USP15: variants seen among roughly 807,000 people sequenced by gnomAD.
USP15 encodes ubiquitin specific peptidase 15.
Under a neutral mutation model 127.1 loss-of-function variants are expected in USP15, and 18 were observed. That is an observed-to-expected ratio of 0.14 (90% CI 0.10 to 0.21). The LOEUF is 0.21. USP15 is among the 10% of genes least tolerant of loss of function. The probability of loss-of-function intolerance (pLI) is 1.00; values close to 1 mark genes in which losing one functional copy is unlikely to be tolerated. For synonymous variants in USP15, 364 were observed against 393.7 expected (o/e 0.92, Z 0.89); for missense variants, 805 against 1,159.9 (o/e 0.69, Z 4.44).
intron 4 of USP15, 71 bp downstream of exon 4, chr12:62,314,987 G>T: frequency 7.5e-7 from 1 of 1,340,614 alleles, no homozygotes. Context: ...CTTTGTATAT[G>T]CTACTTGGAT....
chr12:62,326,986 C>T (rs1467060835), intron 6 of USP15, among the ~76,000 whole-genome samples: 1 of 151,848 alleles, frequency 6.6e-6, no homozygotes, highest in Non-Finnish European at 1.5e-5. Context: ...AAAAATTAGC[C>T]AGGAGTGATG....
At chr12:62,321,631 CTGTAT>C (rs111666891) in intron 5 of USP15, 22 bp downstream of exon 5, 458,243 of 1,514,176 alleles carry the variant, frequency 0.3, 69,931 homozygotes, top group African/African-American at 0.37. Context: ...TTTAAGCATA[CTGTAT>C]TATACATGAA....
intron 9 of USP15, among the ~76,000 whole-genome samples, chr12:62,383,456 G>A (rs1461541767): frequency 6.6e-6 from 1 of 151,804 alleles, no homozygotes; most frequent in African/African-American, 2.4e-5. Flanking sequence ...TTGCATTTAG[G>A]AACACTAGCT....
At position 62,396,366 on chromosome 12, in the gene USP15, C is replaced by G. The variant is rs551681422; in HGVS notation, c.2642C>G (p.Ser881Cys). The change falls in exon 20 of 22, where the codon TCC (serine) becomes TGC (cysteine). Residue 881 changes from serine (S) to cysteine (C), a missense_variant. Physicochemically the swap from Ser to Cys is moderately radical, Grantham distance 112. Coordinates refer to ENST00000280377, the MANE Select transcript of USP15 (RefSeq NM_001252078.2). The part of the protein sequence containing the change: ...GPCRYNLIAV[S>C]NHYGGMGGGH... ...TGCCGCTATAATCTGATTGCTGTTT[C>G]CAACCACTATGGAGGGATGGGAGGA... The G allele has an allele frequency of 6.2e-7, 1 of 1,611,644 alleles. No homozygotes were observed. Among genetic ancestry groups the G allele is most frequent in the Admixed American group, 1.7e-5 (1 of 59,730 alleles).
chr12:62,392,453 A>C, intron 18 of USP15, 66 bp downstream of exon 18: 1 of 1,165,252 alleles, frequency 8.6e-7, no homozygotes, highest in South Asian at 1.6e-5. Context: ...TATGTGCCAC[A>C]TCAAGTTGAA....
Position 62,389,627 on chromosome 12 carries a change from A to G in USP15, c.1580A>G (p.Asn527Ser), listed in dbSNP as rs761447084. ...ADKMIVTDIY[N>S]HRFHRIFAMD... Reference sequence around the variant, plus strand: ...TAGATGATAGTTACTGATATATACAATCATAGATTTCACAGAATATTCGCT... The same window carrying G: ...TAGATGATAGTTACTGATATATACAGTCATAGATTTCACAGAATATTCGCT... Residue 527 changes from asparagine to serine, a missense_variant, in exon 13 of 22, where the codon AAT becomes AGT. Coordinates refer to ENST00000280377, the MANE Select transcript of USP15 (RefSeq NM_001252078.2). The G allele has an allele frequency of 1.2e-6, 2 of 1,613,356 alleles. No homozygotes were observed. Among genetic ancestry groups the G allele is most frequent in the South Asian group, 1.1e-5 (1 of 91,018 alleles).
chr12:62,309,204 A>T (rs1303907802), intron 3 of USP15, among the ~76,000 whole-genome samples: 1 of 152,132 alleles, frequency 6.6e-6, no homozygotes, highest in Non-Finnish European at 1.5e-5. Context: ...AAGAATAAAA[A>T]GAGAGTAGGC....
chr12:62,315,069 AT>A (rs1286783586), intron 4 of USP15, 153 bp downstream of exon 4: 6 of 717,926 alleles, frequency 8.4e-6, no homozygotes, highest in Non-Finnish European at 1.2e-5. Context: ...GAGTTAAATT[AT>A]TTATTGTTTC....
intron 8 of USP15, among the ~76,000 whole-genome samples, chr12:62,370,523 G>A (rs918545487): frequency 6.6e-6 from 1 of 152,140 alleles, no homozygotes; most frequent in African/African-American, 2.4e-5. Context: ...AAGAAACTTC[G>A]TAGTTTCTTC....
intron 20 of USP15, 26 bp downstream of exon 20, chr12:62,396,424 C>T: frequency 6.3e-7 from 1 of 1,595,818 alleles, no homozygotes; most frequent in Middle Eastern, 1.7e-4. Context: ...GCCTTTTTAC[C>T]CAAATCATGG....
At position 62,410,673 on chromosome 12, in the gene USP15, C is replaced by T. The variant is rs2068017724; in HGVS notation, c.*6298C>T. On this transcript the variant is annotated 3_prime_UTR_variant, in exon 22 of 22. Coordinates refer to ENST00000280377, the MANE Select transcript of USP15 (RefSeq NM_001252078.2). The stretch of plus-strand genomic sequence containing the variant: ...AGCTAGCTCCAAACAGGTCATTAAC[C>T]TCTGAATTACTGTTTTCACAACCAT... 6.6e-6 allele frequency: 1 copy of T among 152,094 alleles called. No individual in the cohort carries two copies. The highest frequency in any genetic ancestry group is 1.5e-5 in the Non-Finnish European group (1 of 68,016). The allele number at this position is 152,094 out of a possible 1,614,324, so 9.4% of individuals were successfully genotyped here. A position where few individuals can be genotyped will look rare whatever the true frequency, so the allele number is the denominator to read the frequency against.
chr12:62,319,305 G>C lies in USP15; in HGVS notation c.476-2159G>C, dbSNP rs1402218952. ...CCCATGATCCAGTCATCTCCCACCA[G>C]GTGCCTCCTCAAACACTGGGGATTA... is the stretch of plus-strand genomic sequence containing the variant. On this transcript the variant is annotated intron_variant, in intron 4 of 21. Transcript: ENST00000280377. Among the ~76,000 whole-genome samples the C allele has an allele frequency of 1.3e-5, 2 of 152,170 alleles. 1 individual carries two copies. Among genetic ancestry groups the C allele is most frequent in the Non-Finnish European group, 2.9e-5 (2 of 68,042 alleles).
chr12:62,390,003 A>G lies in USP15; in HGVS notation c.1844+15A>G, dbSNP rs1418563360. The G allele has an allele frequency of 1.3e-6, 2 of 1,554,690 alleles. No individual in the cohort carries two copies. Among genetic ancestry groups the G allele is most frequent in the Non-Finnish European group, 1.7e-6 (2 of 1,151,072 alleles). ...TTGAGAATGTGGTAAGTGCCAGACA[A>G]TTCTACATTGACAAAATAAATATGG... On this transcript the variant is annotated intron_variant, in intron 14 of 21. Coordinates refer to ENST00000280377, the MANE Select transcript of USP15 (RefSeq NM_001252078.2).
intron 8 of USP15, among the ~76,000 whole-genome samples, chr12:62,359,870 G>A (rs1000845722): frequency 6.6e-6 from 1 of 152,052 alleles, no homozygotes; most frequent in Non-Finnish European, 1.5e-5. Flanking sequence ...CTCCTGAGTA[G>A]TTATGATTAT....
At position 62,404,701 on chromosome 12, in the gene USP15, T is replaced by G. The variant is rs2067811782; in HGVS notation, c.*326T>G. On this transcript the variant is annotated 3_prime_UTR_variant, in exon 22 of 22. Transcript: ENST00000280377. Reference sequence around the variant, plus strand: ...TTTTTGGATGTGAGTTGATGACAAATGTTAAATTTGTGGATGTTGGTCATT... The same window carrying G: ...TTTTTGGATGTGAGTTGATGACAAAGGTTAAATTTGTGGATGTTGGTCATT... 1 of 166,082 alleles carries G rather than the reference T, an allele frequency of 6.0e-6. No individual in the cohort carries two copies. The highest frequency in any genetic ancestry group is 1.3e-5 in the Non-Finnish European group (1 of 76,978). The allele number at this position is 166,082 out of a possible 1,614,324, so 10.3% of individuals were successfully genotyped here.
intron 3 of USP15, among the ~76,000 whole-genome samples, chr12:62,306,511 G>A (rs375782631): frequency 6.6e-5 from 10 of 152,102 alleles, no homozygotes; most frequent in African/African-American, 2.2e-4. Context: ...GTTATACAGT[G>A]GTAGAGTAAG....
chr12:62,407,552 C>T lies in USP15; in HGVS notation c.*3177C>T, dbSNP rs1028963831. On this transcript the variant is annotated 3_prime_UTR_variant, in exon 22 of 22. Transcript: ENST00000280377. The stretch of plus-strand genomic sequence containing the variant: ...AAGTACCCACTGGAATATTGACTAA[C>T]CCATTCCCTTTTAAAAATTAATTTC... 6 of 152,110 alleles carry T rather than the reference C, an allele frequency of 3.9e-5. No homozygotes were observed. Among genetic ancestry groups the T allele is most frequent in the Admixed American group, 3.9e-4 (6 of 15,248 alleles). The allele number at this position is 152,110 out of a possible 1,614,324, so 9.4% of individuals were successfully genotyped here. A position where few individuals can be genotyped will look rare whatever the true frequency, so the allele number is the denominator to read the frequency against.
intron 14 of USP15, 45 bp downstream of exon 14, chr12:62,390,033 A>G (rs2067273304): frequency 2.1e-6 from 3 of 1,457,686 alleles, no homozygotes; most frequent in Non-Finnish European, 2.7e-6. Flanking sequence ...ATATGGGAAT[A>G]AAATATAAAA....
At chr12:62,336,252 T>C in intron 6 of USP15, 1 of 985,436 alleles carries the variant, frequency 1.0e-6, no homozygotes, top group Non-Finnish European at 1.2e-6. Flanking sequence ...AGACCACTTT[T>C]CTGAATTCCA....
Sources: allele counts gnomAD v4.1 joint callset (sites outside exome capture counted in the v4.1 genomes callset), GRCh38; gene constraint gnomAD v4.1.1; transcripts MANE v1.5; gene names NCBI Gene and HGNC (gene_info 2026-07-23, HGNC 2026-07-21).